EPN2: variants seen among roughly 807,000 people sequenced by gnomAD.
EPN2 encodes epsin-2.
Under a neutral mutation model 61.7 loss-of-function variants are expected in EPN2, and 34 were observed. The observed-to-expected ratio is 0.55, with a 90% CI of 0.42 to 0.73. EPN2 has a LOEUF of 0.73. Ranked by LOEUF, EPN2 falls within the 30% of genes least tolerant of loss-of-function variation. EPN2 has a pLI of 0.00. For synonymous variants in EPN2, 349 were observed against 353.6 expected (o/e 0.99, Z 0.15); for missense variants, 714 against 839.2 (o/e 0.85, Z 1.84).
chr17:19,335,861 A>G lies in EPN2; in HGVS notation c.*1607A>G, dbSNP rs1489609950. ...CGTCGTGCATTAAAGACCAGAAAAG[A>G]CTTGCTTTTACCCAGGGAGGGGACA... On this transcript the variant is annotated 3_prime_UTR_variant, in exon 11 of 11. Coordinates refer to ENST00000314728, the MANE Select transcript of EPN2 (RefSeq NM_014964.5). 1 of 157,984 alleles carries G rather than the reference A, an allele frequency of 6.3e-6. No individual in the cohort carries two copies. Among genetic ancestry groups the G allele is most frequent in the East Asian group, 1.8e-4 (1 of 5,608 alleles). 9.8% of individuals were successfully genotyped at this position (157,984 alleles called of 1,614,324 possible).
At chr17:19,274,858 C>G (rs2045290769) in intron 1 of EPN2, among the ~76,000 whole-genome samples, 3 of 110,528 alleles carry the variant, frequency 2.7e-5, no homozygotes, top group African/African-American at 7.3e-5. Flanking sequence ...ATAACCCTAG[C>G]CTTGGAAATT....
chr17:19,331,738 G>A (rs562061736), intron 9 of EPN2, 115 bp from the exon 10 acceptor site: 87 of 827,866 alleles, frequency 1.1e-4, no homozygotes, highest in African/African-American at 2.5e-4. Context: ...GCTGTGTGTC[G>A]TCACGTGGCG....
intron 7 of EPN2, among the ~76,000 whole-genome samples, chr17:19,320,017 C>T (rs567779851): frequency 6.6e-6 from 1 of 152,258 alleles, no homozygotes; most frequent in African/African-American, 2.4e-5. Context: ...AAGGCGAAGC[C>T]TGAGGGACCT....
intron 6 of EPN2, among the ~76,000 whole-genome samples, chr17:19,312,499 C>T (rs2056828759): frequency 6.6e-6 from 1 of 152,204 alleles, no homozygotes; most frequent in African/African-American, 2.4e-5. Context: ...CTGGTTGCCT[C>T]TTCAGCCCTG....
rs1472975851 is a variant in EPN2 at position 19,254,797 on chromosome 17, CT to C, written c.-294+17268del. On this transcript the variant is annotated intron_variant, in intron 1 of 10. Coordinates refer to ENST00000314728, the MANE Select transcript of EPN2 (RefSeq NM_014964.5). Reference sequence around the variant, plus strand: ...CCCACTCCTGAGTTACAGGGACAGACTTCTGTTTTCATGAGAGTCATTGACA... The same window carrying C: ...CCCACTCCTGAGTTACAGGGACAGACTCTGTTTTCATGAGAGTCATTGACA... Among the ~76,000 whole-genome samples the C allele has an allele frequency of 5.9e-5, 9 of 152,198 alleles. No individual in the cohort carries two copies. The East Asian group carries it at 1.7e-3, about 29-fold the overall frequency.
intron 4 of EPN2, among the ~76,000 whole-genome samples, chr17:19,295,354 A>ACG (rs1261153194): frequency 7.9e-5 from 5 of 63,464 alleles, no homozygotes; most frequent in East Asian, 3.1e-4. Flanking sequence ...ACACACACAC[A>ACG]CACACACACA....
chr17:19,266,400 AT>A lies in EPN2; in HGVS notation c.-293-15551del, dbSNP rs1256116896. 2.9e-4 allele frequency among the ~76,000 whole-genome samples: 43 copies of A among 148,826 alleles called. 1 individual carries two copies. The South Asian group carries it at 9.7e-3, about 34-fold the overall frequency. On this transcript the variant is annotated intron_variant, in intron 1 of 10. Coordinates refer to ENST00000314728, the MANE Select transcript of EPN2 (RefSeq NM_014964.5). ...GATGTCCATCTCAACATTATTATTTATTTTATTTTTTTTTTTTTTTGAGACG... is the reference window on the plus strand; with the variant it reads ...GATGTCCATCTCAACATTATTATTTATTTATTTTTTTTTTTTTTTGAGACG...
intron 1 of EPN2, among the ~76,000 whole-genome samples, chr17:19,244,088 A>T (rs2044917741): frequency 6.6e-6 from 1 of 152,190 alleles, no homozygotes; most frequent in African/African-American, 2.4e-5. Context: ...AAAGGCTGTA[A>T]ATCTTGGATG....
chr17:19,275,164 G>C lies in EPN2; in HGVS notation c.-293-6791G>C, dbSNP rs181549341. Among the ~76,000 whole-genome samples the C allele has an allele frequency of 1.6e-3, 242 of 152,268 alleles. 2 individuals are homozygous for C. Among genetic ancestry groups the C allele is most frequent in the Middle Eastern group, 0.01 (3 of 294 alleles). On this transcript the variant is annotated intron_variant, in intron 1 of 10. Coordinates refer to ENST00000314728, the MANE Select transcript of EPN2 (RefSeq NM_014964.5). ...TTGGGTTGTGGGTCAACTGTGGCTGGGGGGAGCCTGACTGATGTCTCTGCA... is the reference window on the plus strand; with the variant it reads ...TTGGGTTGTGGGTCAACTGTGGCTGCGGGGAGCCTGACTGATGTCTCTGCA...
intron 1 of EPN2, among the ~76,000 whole-genome samples, chr17:19,265,444 G>A (rs1368614966): frequency 2.6e-5 from 4 of 151,772 alleles, no homozygotes; most frequent in East Asian, 1.9e-4. Flanking sequence ...TGAACTATTC[G>A]TTGGTGGTCA....
In EPN2 at chr17:19,311,931, T is replaced by C. The variant is rs1056894906; in HGVS notation, c.880-121T>C. On this transcript the variant is annotated intron_variant, in intron 5 of 10. Coordinates refer to ENST00000314728, the MANE Select transcript of EPN2 (RefSeq NM_014964.5). ...GAAAGTAATTGTGTTTTACAAGTAG[T>C]TTTGAAATCTTCCTTTGAAATACTG... 8.2e-6 allele frequency: 6 copies of C among 730,006 alleles called. No individual in the cohort carries two copies. In the African/African-American group the frequency reaches 8.8e-5, roughly 11 times the overall value. The allele number at this position is 730,006 out of a possible 1,614,324, so 45.2% of individuals were successfully genotyped here.
At chr17:19,291,731 C>T (rs1213909058) in intron 4 of EPN2, among the ~76,000 whole-genome samples, 11 of 152,178 alleles carry the variant, frequency 7.2e-5, no homozygotes, top group African/African-American at 2.4e-4. Context: ...TGAGCCATCG[C>T]GCCCGGCCTC....
In EPN2 at chr17:19,290,502, G is replaced by T. The variant is rs114641071; in HGVS notation, c.766+4712G>T. Among the ~76,000 whole-genome samples the T allele has an allele frequency of 1.1e-3, 173 of 152,174 alleles. 1 individual carries two copies. The highest frequency in any genetic ancestry group is 4.0e-3 in the African/African-American group (164 of 41,518). On this transcript the variant is annotated intron_variant, in intron 4 of 10. Coordinates refer to ENST00000314728, the MANE Select transcript of EPN2 (RefSeq NM_014964.5). ...CACCAAGGACACTCTAAGGCCAGGG[G>T]CCAGATCTTCTGCCTTGGCTGGCCT...
chr17:19,324,216 T>C (rs1337722495), intron 7 of EPN2, among the ~76,000 whole-genome samples: 2 of 152,242 alleles, frequency 1.3e-5, no homozygotes, highest in African/African-American at 4.8e-5. Flanking sequence ...AGTACACTTA[T>C]GTAAAAAATC....
At chr17:19,244,677 G>T (rs1316229027) in intron 1 of EPN2, among the ~76,000 whole-genome samples, 1 of 152,074 alleles carries the variant, frequency 6.6e-6, no homozygotes, top group Non-Finnish European at 1.5e-5. Flanking sequence ...AACCGAATGT[G>T]CAGGGAGGTG....
chr17:19,322,611 G>T (rs1301607359), intron 7 of EPN2, among the ~76,000 whole-genome samples: 1 of 151,898 alleles, frequency 6.6e-6, no homozygotes, highest in Non-Finnish European at 1.5e-5. Context: ...ATGGGGGTGT[G>T]TGCCTGTGGT....
chr17:19,253,625 C>T (rs918715355), intron 1 of EPN2, among the ~76,000 whole-genome samples: 1 of 151,968 alleles, frequency 6.6e-6, no homozygotes, highest in South Asian at 2.1e-4. Flanking sequence ...TCTCGAACTT[C>T]TAGGTTCAGG....
intron 1 of EPN2, among the ~76,000 whole-genome samples, chr17:19,258,316 C>T (rs2045104164): frequency 6.6e-6 from 1 of 152,146 alleles, no homozygotes; most frequent in African/African-American, 2.4e-5. Context: ...GCTTCAGTCT[C>T]CCCATCTATG....
chr17:19,240,067 G>A (rs994854464), intron 1 of EPN2, among the ~76,000 whole-genome samples: 1 of 151,790 alleles, frequency 6.6e-6, no homozygotes, highest in African/African-American at 2.4e-5. Flanking sequence ...GCATGGAATT[G>A]TCCTTGTCAT....
Sources: gnomAD v4.1 joint callset for allele counts (sites outside exome capture counted in the v4.1 genomes callset) on GRCh38, gnomAD v4.1.1 for gene constraint, MANE v1.5 for transcripts, NCBI Gene and HGNC (gene_info 2026-07-23, HGNC 2026-07-21) for gene names.